PRSS3: variants seen among roughly 807,000 people sequenced by gnomAD.
PRSS3 encodes the protein serine protease 3.
PRSS3 carries 14 observed loss-of-function variants against 20.8 expected under a neutral mutation model. The observed-to-expected ratio is 0.67, with a 90% confidence interval of 0.44 to 1.05. PRSS3 has a LOEUF of 1.05. Ranked by LOEUF, PRSS3 falls within the 50% of genes least tolerant of loss-of-function variation. The pLI, the probability that PRSS3 is intolerant of heterozygous loss-of-function variation, is 0.00. For missense variants in PRSS3, 237 were observed against 306.4 expected (o/e 0.77, Z 1.69); for synonymous variants, 91 against 117.6 (o/e 0.77, Z 1.46).
intron 3 of PRSS3, 159 bp downstream of exon 3, chr9:33,798,241 C>G: frequency 6.9e-7 from 1 of 1,441,628 alleles, no homozygotes; most frequent in Non-Finnish European, 9.4e-7. Flanking sequence ...GATGCAAAGT[C>G]TCAAGGACTT....
Position 33,750,923 on chromosome 9 carries a change from G to A in PRSS3, c.-53+196G>A, listed in dbSNP as rs1453419688. 7.8e-7 allele frequency: 1 copy of A among 1,274,112 alleles called. No homozygotes were observed. Among genetic ancestry groups the A allele is most frequent in the African/African-American group, 1.6e-5 (1 of 63,932 alleles). 78.9% of individuals were successfully genotyped at this position (1,274,112 alleles called of 1,614,324 possible). A position where few individuals can be genotyped will look rare whatever the true frequency, so the allele number is the denominator to read the frequency against. On this transcript the variant is annotated intron_variant, in intron 1 of 5. Coordinates refer to the PRSS3 transcript ENST00000342836. The surrounding 1 kb of genome is among the most constrained non-coding windows in gnomAD (Gnocchi z 4.8). ...AGGGATGGAGGCTCCTCTAGGGGAGGACGGGAGGGGATGGAGGGCCCTGGT... is the reference window on the plus strand; with the variant it reads ...AGGGATGGAGGCTCCTCTAGGGGAGAACGGGAGGGGATGGAGGGCCCTGGT...
At chr9:33,795,422 C>T (rs1478189962), upstream of PRSS3, 31 of 1,081,496 alleles carry the variant, frequency 2.9e-5, no homozygotes, top group Non-Finnish European at 2.9e-5. Context: ...CAAACGTAGC[C>T]GAGCTGATGC....
At chr9:33,769,989 CAT>C (rs751884040) in intron 1 of PRSS3, among the ~76,000 whole-genome samples, 19 of 152,162 alleles carry the variant, frequency 1.2e-4, no homozygotes, top group Admixed American at 4.6e-4. Flanking sequence ...AATCCTGTCT[CAT>C]ATAAATAGCC....
chr9:33,766,894 T>C (rs1029490168), intron 1 of PRSS3, among the ~76,000 whole-genome samples: 6 of 151,640 alleles, frequency 4.0e-5, no homozygotes, highest in African/African-American at 1.2e-4. Flanking sequence ...CAACTGTTAG[T>C]AAACCAAAAA....
chr9:33,769,757 A>G (rs1195347968), intron 1 of PRSS3, among the ~76,000 whole-genome samples: 1 of 152,218 alleles, frequency 6.6e-6, no homozygotes, highest in Non-Finnish European at 1.5e-5. Flanking sequence ...CCAGCCCAGG[A>G]CCAAGGGGTG....
chr9:33,755,370 T>G (rs1354756016), intron 1 of PRSS3, among the ~76,000 whole-genome samples: 1 of 152,188 alleles, frequency 6.6e-6, no homozygotes, highest in Non-Finnish European at 1.5e-5. Flanking sequence ...TGGCAATTAC[T>G]TTCAATGCTT....
At chr9:33,786,058 A>T (rs2119027630) in intron 1 of PRSS3, 1 of 273,820 alleles carries the variant, frequency 3.7e-6, no homozygotes, top group Non-Finnish European at 6.8e-6. Context: ...AGAGCCACAC[A>T]GTTCCACCAG....
intron 1 of PRSS3, among the ~76,000 whole-genome samples, chr9:33,789,960 G>GT (rs1381697540): frequency 6.6e-5 from 10 of 152,110 alleles, no homozygotes; most frequent in Admixed American, 2.0e-4. Context: ...TAAATGTAGG[G>GT]TTTTTTTATA....
In PRSS3 at chr9:33,772,932, A is replaced by G. The variant is rs150809252; in HGVS notation, c.-52-21814A>G. Among the ~76,000 whole-genome samples the G allele has an allele frequency of 3.9e-3, 596 of 152,266 alleles. 2 individuals are homozygous for G. The highest frequency in any genetic ancestry group is 0.014 in the African/African-American group (576 of 41,558). On this transcript the variant is annotated intron_variant, in intron 1 of 5. Coordinates refer to the PRSS3 transcript ENST00000342836. ...CCTTCCCCCTTTTTCTGATCCTTCC[A>G]TTCATCTGGACATCTCTTCTTTCAC...
chr9:33,765,288 T>C (rs1334893104), intron 1 of PRSS3, among the ~76,000 whole-genome samples: 3 of 152,246 alleles, frequency 2.0e-5, no homozygotes, highest in Admixed American at 1.3e-4. Flanking sequence ...AAATTAGGTA[T>C]AGTAAGAGAT....
At chr9:33,784,893 T>G (rs1254675120) in intron 1 of PRSS3, among the ~76,000 whole-genome samples, 1 of 152,224 alleles carries the variant, frequency 6.6e-6, no homozygotes, top group African/African-American at 2.4e-5. Context: ...ATTTGAGTCC[T>G]GACTCTATCA....
rs561918764 is a variant in PRSS3 at position 33,764,978 on chromosome 9, T to C, written c.-53+14251T>C. Among the ~76,000 whole-genome samples, 66 of 152,266 alleles carry C rather than the reference T, an allele frequency of 4.3e-4. 1 individual carries two copies. Among genetic ancestry groups the C allele is most frequent in the African/African-American group, 1.5e-3 (64 of 41,536 alleles). ...CTTCATACCCACTAGAATGGCTAAA[T>C]GAAAAAAGACATAACAAGTGTTGGC... is the stretch of plus-strand genomic sequence containing the variant. On this transcript the variant is annotated intron_variant, in intron 1 of 5. Transcript: ENST00000342836.
chr9:33,797,500 A>G (rs1825033587), intron 2 of PRSS3, among the ~76,000 whole-genome samples: 1 of 152,230 alleles, frequency 6.6e-6, no homozygotes, highest in Non-Finnish European at 1.5e-5. Context: ...GAATGCTGGG[A>G]AAACTACGAG....
chr9:33,756,900 A>T (rs948015598), intron 1 of PRSS3, among the ~76,000 whole-genome samples: 1 of 152,156 alleles, frequency 6.6e-6, no homozygotes. Context: ...AGTTTTATAC[A>T]TGTTTAGGGA....
At chr9:33,777,763 T>C (rs1348452781) in intron 1 of PRSS3, among the ~76,000 whole-genome samples, 1 of 150,792 alleles carries the variant, frequency 6.6e-6, no homozygotes, top group Non-Finnish European at 1.5e-5. Context: ...CATTGTATTA[T>C]AGGATATATA....
At chr9:33,759,054 G>T (rs1364355918) in intron 1 of PRSS3, among the ~76,000 whole-genome samples, 1 of 152,168 alleles carries the variant, frequency 6.6e-6, no homozygotes, top group Non-Finnish European at 1.5e-5. Flanking sequence ...ACTCACAGAG[G>T]CTTCCTGCAG....
chr9:33,779,189 C>T (rs1254399982), intron 1 of PRSS3, among the ~76,000 whole-genome samples: 1 of 152,170 alleles, frequency 6.6e-6, no homozygotes, highest in Non-Finnish European at 1.5e-5. Context: ...ACAGCATCCC[C>T]TTACATCCAA....
At chr9:33,776,439 C>T (rs538573618) in intron 1 of PRSS3, among the ~76,000 whole-genome samples, 1 of 152,198 alleles carries the variant, frequency 6.6e-6, no homozygotes, top group Non-Finnish European at 1.5e-5. Context: ...GAGAACCATA[C>T]AGTAAGGACA....
At chr9:33,760,475 G>A (rs958605208) in intron 1 of PRSS3, among the ~76,000 whole-genome samples, 3 of 152,030 alleles carry the variant, frequency 2.0e-5, no homozygotes, top group Non-Finnish European at 2.9e-5. Flanking sequence ...GGCCGGGTGC[G>A]GTGGCTCACG....
Sources: gnomAD v4.1 joint callset for allele counts (sites outside exome capture counted in the v4.1 genomes callset) on GRCh38, gnomAD v4.1.1 for gene constraint, Gnocchi (gnomAD v3.1) non-coding constraint, MANE v1.5 for transcripts, NCBI Gene and HGNC (gene_info 2026-07-23, HGNC 2026-07-21) for gene names.